DPH1: variants seen among roughly 807,000 people sequenced by gnomAD.
DPH1 encodes the protein diphthamide biosynthesis 1, also known as 2-(3-amino-3-carboxypropyl)histidine synthase subunit 1.
In DPH1, 59 loss-of-function variants were observed where a neutral mutation model predicts 55.3. The observed-to-expected ratio is 1.07, with a 90% confidence interval of 0.87 to 1.33. DPH1 has a LOEUF of 1.33. Ranked by LOEUF, DPH1 falls within the 40% of genes most tolerant of loss-of-function variation. The probability of loss-of-function intolerance (pLI) is 0.00; values close to 1 mark genes in which losing one functional copy is unlikely to be tolerated. For missense variants in DPH1, 628 were observed against 584.8 expected, an observed-to-expected ratio of 1.07 and a Z score of -0.76; for synonymous variants, 238 against 235.5, an observed-to-expected ratio of 1.01 and a Z score of -0.10.
intron 1 of DPH1, among the ~76,000 whole-genome samples, chr17:2,032,998 C>T (rs1187731798): frequency 6.6e-6 from 1 of 152,200 alleles, no homozygotes; most frequent in Non-Finnish European, 1.5e-5. Flanking sequence ...TCCCAAAGTG[C>T]TGGGATTACA....
At chr17:2,042,290 TCGA>T in intron 12 of DPH1, 2 of 1,396,280 alleles carry the variant, frequency 1.4e-6, no homozygotes, top group Non-Finnish European at 1.8e-6. Flanking sequence ...TTCGTCCCCC[TCGA>T]CACCCTTCAG....
chr17:2,035,954 G>A lies in DPH1; in HGVS notation c.279-16G>A, dbSNP rs887781376. The A allele has an allele frequency of 8.7e-6, 14 of 1,613,462 alleles. No individual in the cohort carries two copies. Among genetic ancestry groups the A allele is most frequent in the Middle Eastern group, 1.6e-4 (1 of 6,080 alleles). ...CTGTGTCCCTGTCCCACCGTTCCCC[G>A]CCCCTGTGCCCGCAGGTTCACGGAG... On this transcript the variant is annotated splice_polypyrimidine_tract_variant and intron_variant, in intron 3 of 12. Transcript: ENST00000263083.
intron 7 of DPH1, 123 bp downstream of exon 7, chr17:2,039,946 G>A: frequency 7.0e-7 from 1 of 1,422,318 alleles, no homozygotes; most frequent in Non-Finnish European, 9.8e-7. Flanking sequence ...AGGGTCTGAG[G>A]CACTTGGGCC....
At chr17:2,040,067 T>TC (rs1339124332) in intron 7 of DPH1, 151 bp from the exon 8 acceptor site, 364 of 1,212,850 alleles carry the variant, frequency 3.0e-4, no homozygotes, top group Non-Finnish European at 3.9e-5. Flanking sequence ...GGACAGGTCT[T>TC]CCTAATGACA....
rs775726998 is a variant in DPH1 at position 2,036,373 on chromosome 17, A to C, written c.401-156A>C. The stretch of plus-strand genomic sequence containing the variant: ...TGACAGAGAAGTCTGATTGAGAAGG[A>C]GCTTCTAGGGGATCTGTGACCCCCC... On this transcript the variant is annotated intron_variant, in intron 4 of 12. Transcript: ENST00000263083. This position sits in a 1 kb window ranked among gnomAD's most constrained non-coding sequence, Gnocchi z 4.8. The C allele has an allele frequency of 7.2e-6, 8 of 1,118,134 alleles. No homozygotes were observed. The highest frequency in any genetic ancestry group is 1.0e-5 in the Non-Finnish European group (8 of 785,330). The allele number at this position is 1,118,134 out of a possible 1,614,324, so 69.3% of individuals were successfully genotyped here.
chr17:2,041,027 A>G, intron 9 of DPH1, 76 bp from the exon 10 acceptor site: 2 of 1,380,188 alleles, frequency 1.4e-6, no homozygotes, highest in Non-Finnish European at 2.0e-6. Flanking sequence ...TGCTGGGGGC[A>G]CTGTCATGTT....
At chr17:2,039,916 C>A in intron 7 of DPH1, 93 bp downstream of exon 7, 1 of 1,557,106 alleles carries the variant, frequency 6.4e-7, no homozygotes, top group Non-Finnish European at 8.8e-7. Context: ...CATTTCCTGG[C>A]CACTAAGCCA....
chr17:2,035,162 C>G (rs931705059), intron 3 of DPH1: 4 of 152,246 alleles, frequency 2.6e-5, no homozygotes, highest in African/African-American at 9.7e-5. Flanking sequence ...GCTCCACGCC[C>G]CAAGTGTGAG....
intron 12 of DPH1, chr17:2,042,388 C>A: frequency 7.8e-7 from 1 of 1,287,114 alleles, no homozygotes; most frequent in Non-Finnish European, 1.0e-6. Flanking sequence ...TTTGCTCAAA[C>A]TGCAGCCTGT....
intron 1 of DPH1, among the ~76,000 whole-genome samples, chr17:2,032,192 T>C (rs1272659891): frequency 1.3e-5 from 2 of 152,154 alleles, no homozygotes; most frequent in East Asian, 1.9e-4. Context: ...AGCTCAAAAC[T>C]TCAAGGTGTC....
Position 2,040,349 on chromosome 17 carries a change from G to T in DPH1, c.881G>T (p.Arg294Leu), listed in dbSNP as rs201983229. ...SWGLILGTLGRQGSPKILEHL... is the reference protein window; with the variant it reads ...SWGLILGTLGLQGSPKILEHL... ...GGCCTTATTCTGGGCACTTTGGGCC[G>T]CCAGGGCAGTCCTAAGATCCTGGAG... is the stretch of plus-strand genomic sequence containing the variant. The change falls in exon 8 of 13, where the codon CGC (arginine) becomes CTC (leucine). Residue 294 changes from arginine to leucine, a missense_variant. Coordinates refer to ENST00000263083, the MANE Select transcript of DPH1 (RefSeq NM_001383.6). 1.2e-6 allele frequency: 2 copies of T among 1,613,848 alleles called. No individual in the cohort carries two copies. Among genetic ancestry groups the T allele is most frequent in the African/African-American group, 2.7e-5 (2 of 74,946 alleles).
At chr17:2,030,295 C>T (rs1018109185) in intron 1 of DPH1, 65 bp downstream of exon 1, 2 of 1,502,012 alleles carry the variant, frequency 1.3e-6, no homozygotes, top group African/African-American at 2.8e-5. Flanking sequence ...AAGTTAGGGA[C>T]AGGACCAACC....
chr17:2,038,844 G>A (rs1234978410), intron 6 of DPH1: 2 of 152,216 alleles, frequency 1.3e-5, no homozygotes, highest in African/African-American at 4.8e-5. Flanking sequence ...AGAACCCCAG[G>A]TGGCCTCACC....
At chr17:2,035,850 G>C (rs565726173) in intron 3 of DPH1, 120 bp from the exon 4 acceptor site, 4 of 1,456,990 alleles carry the variant, frequency 2.7e-6, no homozygotes, top group Non-Finnish European at 2.8e-6. Flanking sequence ...CTGCCATCCC[G>C]AGGAACTGGG....
intron 3 of DPH1, 89 bp downstream of exon 3, chr17:2,033,931 G>A: frequency 6.6e-7 from 1 of 1,512,400 alleles, no homozygotes; most frequent in Admixed American, 1.7e-5. Flanking sequence ...CCTGGTGGCG[G>A]GCATTTTTTC....
In DPH1 at chr17:2,036,440, T is replaced by C; in HGVS notation, c.401-89T>C. Reference sequence around the variant, plus strand: ...CCTTTTACCCCCAGGCTGAAGCCACTGCGCCTGGCTGCTCAGAGACCTGAG... The same window carrying C: ...CCTTTTACCCCCAGGCTGAAGCCACCGCGCCTGGCTGCTCAGAGACCTGAG... On this transcript the variant is annotated intron_variant, in intron 4 of 12. Transcript: ENST00000263083. This position sits in a 1 kb window ranked among gnomAD's most constrained non-coding sequence, Gnocchi z 4.8. 6.5e-6 allele frequency: 10 copies of C among 1,529,676 alleles called. No individual in the cohort carries two copies. The highest frequency in any genetic ancestry group is 8.9e-6 in the Non-Finnish European group (10 of 1,119,848). 94.8% of individuals were successfully genotyped at this position (1,529,676 alleles called of 1,614,324 possible). A position where few individuals can be genotyped will look rare whatever the true frequency, so the allele number is the denominator to read the frequency against.
intron 12 of DPH1, 69 bp from the exon 13 acceptor site, chr17:2,042,536 T>G: frequency 6.8e-7 from 1 of 1,479,676 alleles, no homozygotes; most frequent in Non-Finnish European, 9.0e-7. Flanking sequence ...CCTCCTGCCC[T>G]TTCTCATTTC....
Position 2,042,763 on chromosome 17 carries a change from C to T in DPH1, c.*177C>T, listed in dbSNP as rs138550949. ...GAACAGGCTGGGGCCTTTTGACGGCCTTCTTGGTTTCAGCCAAGGGGCTGC... is the reference window on the plus strand; with the variant it reads ...GAACAGGCTGGGGCCTTTTGACGGCTTTCTTGGTTTCAGCCAAGGGGCTGC... On this transcript the variant is annotated 3_prime_UTR_variant, in exon 13 of 13. Transcript: ENST00000263083. 136 of 1,608,116 alleles carry T rather than the reference C, an allele frequency of 8.5e-5. No individual in the cohort carries two copies. In the African/African-American group the frequency reaches 1.1e-3, roughly 13 times the overall value.
chr17:2,043,153 C>T lies in DPH1; in HGVS notation c.*567C>T, dbSNP rs1209709025. The T allele has an allele frequency of 6.4e-7, 1 of 1,574,476 alleles. No individual in the cohort carries two copies. The highest frequency in any genetic ancestry group is 1.2e-5 in the South Asian group (1 of 86,420). ...CTACATCCAGCTCCTCTAGGGGCAG[C>T]CTCCGTCATCCATGCCCTCCCAGGA... On this transcript the variant is annotated 3_prime_UTR_variant, in exon 13 of 13. Transcript: ENST00000263083.
Sources: allele counts gnomAD v4.1 joint callset (sites outside exome capture counted in the v4.1 genomes callset), GRCh38; gene constraint gnomAD v4.1.1; non-coding constraint Gnocchi (gnomAD v3.1); transcripts MANE v1.5; gene names NCBI Gene and HGNC (gene_info 2026-07-23, HGNC 2026-07-21).